Variants in NEGR1 observed in about 807,000 individuals in gnomAD.
The protein encoded by NEGR1 is neuronal growth regulator 1.
Under a neutral mutation model 40.9 loss-of-function variants are expected in NEGR1, and 10 were observed. The ratio of observed to expected loss-of-function variants is 0.24; its 90% CI spans 0.15 to 0.42. The LOEUF is 0.42. NEGR1 is among the 10% of genes least tolerant of loss of function. The pLI is 1.00. For missense variants in NEGR1, 352 were observed against 438.9 expected (o/e 0.80, Z 1.77); for synonymous variants, 185 against 166.8 (o/e 1.11, Z -0.84).
At chr1:71,763,853 A>C (rs763019802) in intron 3 of NEGR1, among the ~76,000 whole-genome samples, 2 of 152,062 alleles carry the variant, frequency 1.3e-5, no homozygotes, top group African/African-American at 2.4e-5. Flanking sequence ...TGAATACCTC[A>C]TTATCTCCAT....
chr1:71,642,603 G>A (rs868588805), intron 4 of NEGR1, among the ~76,000 whole-genome samples: 1 of 151,594 alleles, frequency 6.6e-6, no homozygotes, highest in Non-Finnish European at 1.5e-5. Flanking sequence ...TTCAATAAAG[G>A]ACTATGCAGT....
At chr1:71,801,945 A>T (rs1657578462) in intron 2 of NEGR1, among the ~76,000 whole-genome samples, 1 of 152,218 alleles carries the variant, frequency 6.6e-6, no homozygotes, top group African/African-American at 2.4e-5. Flanking sequence ...TAGAAATATG[A>T]ACACTAAAGG....
intron 1 of NEGR1, among the ~76,000 whole-genome samples, chr1:71,948,425 C>T (rs989854247): frequency 6.6e-6 from 1 of 151,374 alleles, no homozygotes; most frequent in African/African-American, 2.4e-5. Context: ...TTATGATCAA[C>T]TCTTTGTTAT....
chr1:71,740,220 A>ACGT (rs1655172430), intron 3 of NEGR1, among the ~76,000 whole-genome samples: 1 of 152,194 alleles, frequency 6.6e-6, no homozygotes, highest in African/African-American at 2.4e-5. Context: ...GTTTTGTTCT[A>ACGT]CGTCACAACC....
intron 2 of NEGR1, among the ~76,000 whole-genome samples, chr1:71,901,168 TA>T (rs1661134141): frequency 6.6e-6 from 1 of 152,198 alleles, no homozygotes; most frequent in South Asian, 2.1e-4. Context: ...AATGCATGAT[TA>T]AAGTATGATA....
intron 2 of NEGR1, among the ~76,000 whole-genome samples, chr1:71,799,947 C>T (rs1427424873): frequency 2.6e-5 from 4 of 152,102 alleles, no homozygotes; most frequent in Non-Finnish European, 2.9e-5. Context: ...CTCCTGTCCT[C>T]GTGATCTGCC....
chr1:71,563,955 G>A (rs1449806996), intron 6 of NEGR1, among the ~76,000 whole-genome samples: 2 of 151,164 alleles, frequency 1.3e-5, no homozygotes, highest in African/African-American at 2.4e-5. Flanking sequence ...CACTGATCGG[G>A]GAGGAAAAAA....
intron 1 of NEGR1, among the ~76,000 whole-genome samples, chr1:72,024,022 T>A (rs1368873807): frequency 2.0e-5 from 3 of 152,200 alleles, no homozygotes; most frequent in Non-Finnish European, 4.4e-5. Flanking sequence ...ATATAAGCTA[T>A]CATATTTCCA....
At chr1:71,710,349 T>C (rs1654037185) in intron 3 of NEGR1, among the ~76,000 whole-genome samples, 1 of 152,144 alleles carries the variant, frequency 6.6e-6, no homozygotes, top group Admixed American at 6.5e-5. Flanking sequence ...TGAGCTACCA[T>C]ATGATGCAGC....
rs142813907 is a variant in NEGR1, at chr1:71,775,269, G to A, written c.535+903C>T. On this transcript the variant is annotated intron_variant, in intron 3 of 6. Coordinates refer to ENST00000357731, the MANE Select transcript of NEGR1 (RefSeq NM_173808.3). Reference sequence around the variant, plus strand: ...ATTGATTGGTGATTATCCAGCATACGAAAGAGAAAATAACCTTGACTAAGA... The same window carrying A: ...ATTGATTGGTGATTATCCAGCATACAAAAGAGAAAATAACCTTGACTAAGA... Among the ~76,000 whole-genome samples, 410 of 152,028 alleles carry A rather than the reference G, an allele frequency of 2.7e-3. 4 individuals are homozygous for A. Among genetic ancestry groups the A allele is most frequent in the African/African-American group, 8.8e-3 (363 of 41,476 alleles).
intron 1 of NEGR1, among the ~76,000 whole-genome samples, chr1:72,188,293 A>G (rs1428219241): frequency 1.3e-5 from 2 of 151,388 alleles, no homozygotes; most frequent in Non-Finnish European, 3.0e-5. Flanking sequence ...TTGGGATTTT[A>G]CCTAGAATTT....
chr1:72,146,773 G>A (rs1031989945), intron 1 of NEGR1, among the ~76,000 whole-genome samples: 2 of 152,118 alleles, frequency 1.3e-5, no homozygotes, highest in African/African-American at 4.8e-5. Flanking sequence ...AACCTCTATT[G>A]TATCTGTAAA....
intron 2 of NEGR1, among the ~76,000 whole-genome samples, chr1:71,871,634 CA>C (rs1660281664): frequency 6.6e-6 from 1 of 152,164 alleles, no homozygotes; most frequent in Non-Finnish European, 1.5e-5. Context: ...CAATACATGA[CA>C]AGTTAAGCTG....
At chr1:72,117,943 G>A (rs1649644081) in intron 1 of NEGR1, among the ~76,000 whole-genome samples, 1 of 151,756 alleles carries the variant, frequency 6.6e-6, no homozygotes, top group Non-Finnish European at 1.5e-5. Context: ...AAACACTGCA[G>A]CTACTCACTC....
chr1:72,094,767 C>T (rs1234487295), intron 1 of NEGR1, among the ~76,000 whole-genome samples: 1 of 152,172 alleles, frequency 6.6e-6, no homozygotes, highest in African/African-American at 2.4e-5. Flanking sequence ...CTCCTTTTGC[C>T]TCTGTAGATC....
At chr1:71,579,489 T>C (rs796640970) in intron 6 of NEGR1, among the ~76,000 whole-genome samples, 7 of 152,316 alleles carry the variant, frequency 4.6e-5, no homozygotes, top group African/African-American at 1.7e-4. Context: ...GTCCCAAGCA[T>C]GCAGTCTACA....
chr1:71,462,210 A>G (rs936702910), intron 6 of NEGR1, among the ~76,000 whole-genome samples: 4 of 152,138 alleles, frequency 2.6e-5, no homozygotes, highest in Non-Finnish European at 5.9e-5. Flanking sequence ...TGAAACCTCT[A>G]ATTGTTCCTG....
chr1:72,278,416 A>T (rs144989424), intron 1 of NEGR1, among the ~76,000 whole-genome samples: 1 of 152,278 alleles, frequency 6.6e-6, no homozygotes, highest in African/African-American at 2.4e-5. Context: ...ATGTGCAGGC[A>T]CTGGGAGAAT....
At chr1:71,709,909 C>T (rs894801336) in intron 3 of NEGR1, among the ~76,000 whole-genome samples, 2 of 152,192 alleles carry the variant, frequency 1.3e-5, no homozygotes, top group Admixed American at 6.5e-5. Flanking sequence ...ACAAAGGATA[C>T]GGTCAACCCA....
Sources: allele counts gnomAD v4.1 joint callset (sites outside exome capture counted in the v4.1 genomes callset), GRCh38; gene constraint gnomAD v4.1.1; transcripts MANE v1.5; gene names NCBI Gene and HGNC (gene_info 2026-07-23, HGNC 2026-07-21).